The following VEPH1 variants were observed in gnomAD, a reference collection of about 807,000 sequenced individuals.
The protein encoded by VEPH1 is ventricular zone-expressed PH domain-containing protein homolog 1.
Under a neutral mutation model 85.2 loss-of-function variants are expected in VEPH1, and 80 were observed. The observed-to-expected ratio is 0.94, with a 90% CI of 0.78 to 1.13. VEPH1 has a LOEUF of 1.13. Among genes scored for constraint, VEPH1 ranks in the 50% most tolerant of loss-of-function variants. The pLI, the probability that VEPH1 is intolerant of heterozygous loss-of-function variation, is 0.00. For missense variants in VEPH1, 955 were observed against 980.5 expected (o/e 0.97, Z 0.35); for synonymous variants, 297 against 348.0 (o/e 0.85, Z 1.63).
chr3:157,361,402 A>C (rs914460136), intron 9 of VEPH1, among the ~76,000 whole-genome samples: 1 of 152,186 alleles, frequency 6.6e-6, no homozygotes, highest in Non-Finnish European at 1.5e-5. Flanking sequence ...CTTTCCTCTG[A>C]TTTGAAGTGG....
chr3:157,442,635 A>G, intron 4 of VEPH1: 1 of 1,614,174 alleles, frequency 6.2e-7, no homozygotes, highest in African/African-American at 1.3e-5. Context: ...GGGAAGGTGG[A>G]CCCACCTGTG....
At chr3:157,410,714 G>A (rs1299686826) in intron 6 of VEPH1, among the ~76,000 whole-genome samples, 2 of 152,120 alleles carry the variant, frequency 1.3e-5, no homozygotes, top group African/African-American at 2.4e-5. Context: ...CATTATTTCT[G>A]AGCAAAGGAG....
At chr3:157,392,017 C>T (rs932679988) in intron 6 of VEPH1, among the ~76,000 whole-genome samples, 2 of 152,094 alleles carry the variant, frequency 1.3e-5, no homozygotes, top group African/African-American at 2.4e-5. Context: ...AAAATATTGT[C>T]CAGACAAGGA....
intron 4 of VEPH1, among the ~76,000 whole-genome samples, chr3:157,458,411 T>C (rs1309270063): frequency 6.6e-6 from 1 of 152,202 alleles, no homozygotes; most frequent in Non-Finnish European, 1.5e-5. Flanking sequence ...TTAGTTATGC[T>C]GTTAGGTTGT....
At chr3:157,292,082 G>C (rs1028384556) in intron 11 of VEPH1, among the ~76,000 whole-genome samples, 2 of 152,132 alleles carry the variant, frequency 1.3e-5, no homozygotes, top group East Asian at 3.9e-4. Context: ...TTGACTACTT[G>C]TTCTCAAGAC....
intron 12 of VEPH1, among the ~76,000 whole-genome samples, chr3:157,272,402 T>TC (rs1714793262): frequency 6.9e-6 from 1 of 145,800 alleles, no homozygotes; most frequent in African/African-American, 2.6e-5. Context: ...TTTCTTTCTT[T>TC]CTTTCTTTCT....
intron 2 of VEPH1, among the ~76,000 whole-genome samples, chr3:157,478,652 A>G (rs764222011): frequency 1.1e-4 from 17 of 151,506 alleles, no homozygotes; most frequent in Admixed American, 8.6e-4. Context: ...CTTTCGAATG[A>G]AGCCATTGTG....
intron 11 of VEPH1, among the ~76,000 whole-genome samples, chr3:157,304,186 C>T (rs1193707068): frequency 1.3e-5 from 2 of 151,804 alleles, no homozygotes; most frequent in African/African-American, 4.8e-5. Context: ...GGGTTCCACC[C>T]AGAATTAGTG....
Position 157,364,436 on chromosome 3 carries a change from G to C in VEPH1, c.1204C>G (p.His402Asp), listed in dbSNP as rs753410616. Residue 402 changes from histidine (H) to aspartate (D), a missense_variant, in exon 8 of 14, where the codon CAT (histidine) becomes GAT (aspartate). Coordinates refer to ENST00000362010, the MANE Select transcript of VEPH1 (RefSeq NM_001167912.2). ...TGGATTTTAACTTGGAGTTTTTCAT[G>C]GTCTTCATTTTCAGTTACTATGAGC... ...TKLIVTENEDHEKLQVKIQAF... is the reference protein window; with the variant it reads ...TKLIVTENEDDEKLQVKIQAF... 3.7e-6 allele frequency: 6 copies of C among 1,613,734 alleles called. No homozygotes were observed. Among genetic ancestry groups the C allele is most frequent in the Non-Finnish European group, 5.1e-6 (6 of 1,179,904 alleles).
In VEPH1 at chr3:157,265,634, T is replaced by C. The variant is rs754029331; in HGVS notation, c.2157A>G (p.Ile719Met). 3 of 1,613,578 alleles carry C rather than the reference T, an allele frequency of 1.9e-6. No individual in the cohort carries two copies. Among genetic ancestry groups the C allele is most frequent in the Non-Finnish European group, 2.5e-6 (3 of 1,179,700 alleles). The change falls in exon 13 of 14, where the codon ATA becomes ATG. Residue 719 changes from isoleucine to methionine, a missense_variant. Coordinates refer to ENST00000362010, the MANE Select transcript of VEPH1 (RefSeq NM_001167912.2). The part of the protein sequence containing the change: ...TVVNQDGQPL[I>M]EGKLKEKQVR... ...CTTGCTTCTCTTTAAGTTTTCCTTC[T>C]ATGAGAGGCTGGCCATCTTGATTTA...
rs201088670 is a variant in VEPH1, at chr3:157,308,564, C to CT, written c.2010+5056dup. 1.3e-3 allele frequency among the ~76,000 whole-genome samples: 199 copies of CT among 151,326 alleles called. 1 individual carries two copies. Among genetic ancestry groups the CT allele is most frequent in the African/African-American group, 4.6e-3 (191 of 41,362 alleles). ...GTGTGCTTAAATGTTTTGGAATGTCCTTTTTTTTGCCCCTCTCAAAAATTT... is the reference window on the plus strand; with the variant it reads ...GTGTGCTTAAATGTTTTGGAATGTCCTTTTTTTTTGCCCCTCTCAAAAATTT... On this transcript the variant is annotated intron_variant, in intron 11 of 13. Coordinates refer to ENST00000362010, the MANE Select transcript of VEPH1 (RefSeq NM_001167912.2).
chr3:157,452,300 T>C (rs1200238224), intron 4 of VEPH1, among the ~76,000 whole-genome samples: 1 of 151,976 alleles, frequency 6.6e-6, no homozygotes, highest in Non-Finnish European at 1.5e-5. Flanking sequence ...ATGTTATGCC[T>C]GAGGAGGAAA....
Position 157,414,090 on chromosome 3 carries a change from C to T in VEPH1, c.697G>A (p.Val233Ile). Reference protein sequence around the residue: ...HVAAKKKQLEVVQKCIPFLIG... With the variant: ...HVAAKKKQLEIVQKCIPFLIG... ...AGGAAAGGAATACACTTCTGAACTACCTATAAAGAGAGAGGAGAGGAGGAG... is the reference window on the plus strand; with the variant it reads ...AGGAAAGGAATACACTTCTGAACTATCTATAAAGAGAGAGGAGAGGAGGAG... Residue 233 changes from valine to isoleucine, a missense_variant and splice_region_variant, in exon 6 of 14, where the codon GTA (valine) becomes ATA (isoleucine). Coordinates refer to ENST00000362010, the MANE Select transcript of VEPH1 (RefSeq NM_001167912.2). The T allele has an allele frequency of 6.3e-7, 1 of 1,598,330 alleles. No homozygotes were observed. Among genetic ancestry groups the T allele is most frequent in the African/African-American group, 1.3e-5 (1 of 74,450 alleles).
chr3:157,366,751 C>T (rs925541546), intron 7 of VEPH1, among the ~76,000 whole-genome samples: 3 of 151,954 alleles, frequency 2.0e-5, no homozygotes. Flanking sequence ...ACAACAACAA[C>T]AACAACAAAA....
intron 4 of VEPH1, chr3:157,437,064 G>A (rs1560060308): frequency 6.2e-7 from 1 of 1,613,634 alleles, no homozygotes; most frequent in Non-Finnish European, 8.5e-7. Flanking sequence ...ACTGAGGACC[G>A]TAAGTTCACT....
intron 3 of VEPH1, among the ~76,000 whole-genome samples, chr3:157,469,160 G>C (rs1248809998): frequency 6.6e-6 from 1 of 152,136 alleles, no homozygotes; most frequent in East Asian, 1.9e-4. Flanking sequence ...TTCATCTTTT[G>C]TTAATTTTGC....
chr3:157,328,959 GCAAC>G (rs1722216972), intron 9 of VEPH1, among the ~76,000 whole-genome samples: 2 of 152,176 alleles, frequency 1.3e-5, no homozygotes, highest in African/African-American at 4.8e-5. Flanking sequence ...CACATGGCTA[GCAAC>G]TGGCAGTCCA....
At chr3:157,400,608 G>A (rs1377069783) in intron 6 of VEPH1, among the ~76,000 whole-genome samples, 1 of 152,010 alleles carries the variant, frequency 6.6e-6, no homozygotes, top group Non-Finnish European at 1.5e-5. Flanking sequence ...TGTCAAATAA[G>A]TTTTTTTCAA....
At chr3:157,388,173 A>C (rs1729501551) in intron 6 of VEPH1, among the ~76,000 whole-genome samples, 1 of 152,208 alleles carries the variant, frequency 6.6e-6, no homozygotes, top group Non-Finnish European at 1.5e-5. Flanking sequence ...AAAGCAAATG[A>C]GTTTTTTGTT....
Sources: gnomAD v4.1 joint callset for allele counts (sites outside exome capture counted in the v4.1 genomes callset) on GRCh38, gnomAD v4.1.1 for gene constraint, MANE v1.5 for transcripts, NCBI Gene and HGNC (gene_info 2026-07-23, HGNC 2026-07-21) for gene names.